The following ADGRL2 variants were observed in gnomAD, a reference collection of about 807,000 sequenced individuals.
The protein encoded by ADGRL2 is adhesion G protein-coupled receptor L2.
Under a neutral mutation model 157.4 loss-of-function variants are expected in ADGRL2, and 44 were observed. That is an observed-to-expected ratio of 0.28 (90% CI 0.22 to 0.36). The LOEUF (loss-of-function observed/expected upper bound fraction) is 0.36. Ranked by LOEUF, ADGRL2 falls within the 10% of genes least tolerant of loss-of-function variation. ADGRL2 has a pLI of 1.00. For missense variants in ADGRL2, 1,510 were observed against 1,768.9 expected, an observed-to-expected ratio of 0.85 and a Z score of 2.63; for synonymous variants, 585 against 624.7, an observed-to-expected ratio of 0.94 and a Z score of 0.95.
At chr1:81,802,033 A>T (rs11163379) in intron 1 of ADGRL2, among the ~76,000 whole-genome samples, 43,282 of 150,542 alleles carry the variant, frequency 0.29, 6,839 homozygotes, top group Middle Eastern at 0.49. Context: ...GCGGCCGAGC[A>T]GGAGGACGCG....
At chr1:81,967,386 C>T (rs936514444) in intron 13 of ADGRL2, among the ~76,000 whole-genome samples, 2 of 151,926 alleles carry the variant, frequency 1.3e-5, no homozygotes, top group Non-Finnish European at 2.9e-5. Flanking sequence ...CTCAGCCTCC[C>T]GAGTAGCTGG....
chr1:81,930,030 T>A (rs2095193677), intron 3 of ADGRL2, among the ~76,000 whole-genome samples: 1 of 152,156 alleles, frequency 6.6e-6, no homozygotes, highest in African/African-American at 2.4e-5. Context: ...TACACACCAA[T>A]TTTTTTCTGA....
chr1:81,465,421 T>C (rs1411991611), intron 2 of ADGRL2, among the ~76,000 whole-genome samples: 2 of 152,174 alleles, frequency 1.3e-5, no homozygotes, highest in African/African-American at 4.8e-5. Flanking sequence ...AACTAATTTG[T>C]ATTTTGGATC....
At chr1:81,376,659 C>T (rs1308046279) in intron 1 of ADGRL2, among the ~76,000 whole-genome samples, 1 of 151,644 alleles carries the variant, frequency 6.6e-6, no homozygotes, top group Non-Finnish European at 1.5e-5. Flanking sequence ...CCTCCCATAT[C>T]GCTTGTCAAT....
intron 2 of ADGRL2, among the ~76,000 whole-genome samples, chr1:81,466,897 G>C (rs1445306740): frequency 2.0e-5 from 3 of 152,126 alleles, no homozygotes; most frequent in African/African-American, 7.2e-5. Context: ...TCCCAGGCCT[G>C]TTCTTATAAA....
intron 2 of ADGRL2, among the ~76,000 whole-genome samples, chr1:81,862,770 C>A (rs2093427037): frequency 6.6e-6 from 1 of 152,106 alleles, no homozygotes; most frequent in Admixed American, 6.5e-5. Flanking sequence ...ACCAGTGTCT[C>A]CCATGCACTG....
chr1:81,809,067 C>T (rs911857006), intron 1 of ADGRL2, among the ~76,000 whole-genome samples: 5 of 152,004 alleles, frequency 3.3e-5, no homozygotes, highest in African/African-American at 9.7e-5. Flanking sequence ...GCATTAATCA[C>T]GACCTGACAA....
chr1:81,802,126 C>G (rs1374664452), intron 1 of ADGRL2, among the ~76,000 whole-genome samples: 1 of 150,328 alleles, frequency 6.7e-6, no homozygotes, highest in Admixed American at 6.6e-5. Context: ...CGCTCGCGGC[C>G]GGCCTCGGCC....
intron 2 of ADGRL2, chr1:81,502,651 C>G (rs528974437): frequency 8.3e-5 from 134 of 1,613,980 alleles, no homozygotes; most frequent in South Asian, 6.5e-4. Context: ...CTGCCTTCAC[C>G]CTCAGCTCAG....
chr1:81,871,244 T>A (rs1307458613), intron 2 of ADGRL2, among the ~76,000 whole-genome samples: 1 of 152,004 alleles, frequency 6.6e-6, no homozygotes, highest in Non-Finnish European at 1.5e-5. Flanking sequence ...TTCGTCCATG[T>A]CCCTACAAAG....
At chr1:81,353,809 C>G (rs1663086525) in intron 1 of ADGRL2, among the ~76,000 whole-genome samples, 1 of 152,122 alleles carries the variant, frequency 6.6e-6, no homozygotes, top group Non-Finnish European at 1.5e-5. Flanking sequence ...CTGGATCTCA[C>G]AAGAGAAGCC....
chr1:81,936,771 G>C lies in ADGRL2; in HGVS notation c.331G>C (p.Val111Leu). The change falls in exon 4 of 24, where the codon GTG (valine) becomes CTG (leucine). Residue 111 changes from valine to leucine, a missense_variant. Val to Leu is a conservative substitution (Grantham distance 32). Coordinates refer to ENST00000686636, the MANE Select transcript of ADGRL2 (RefSeq NM_001366006.2). ...GTGTATAGTAGTTACTGGGTCAGAT[G>C]TGTTTCCTGATCCATGTCCTGGAAC... is the stretch of plus-strand genomic sequence containing the variant. ...TQCIVVTGSD[V>L]FPDPCPGTYK... 6.2e-7 allele frequency: 1 copy of C among 1,612,326 alleles called. No individual in the cohort carries two copies.
chr1:81,522,642 G>A (rs1361947609), intron 2 of ADGRL2, among the ~76,000 whole-genome samples: 2 of 152,132 alleles, frequency 1.3e-5, no homozygotes, highest in Non-Finnish European at 2.9e-5. Flanking sequence ...TCTTTAATAT[G>A]TACTTGCTTG....
At chr1:81,763,142 T>G (rs1391920916) in intron 2 of ADGRL2, among the ~76,000 whole-genome samples, 4 of 151,970 alleles carry the variant, frequency 2.6e-5, no homozygotes, top group Non-Finnish European at 4.4e-5. Context: ...TTTTTGCATT[T>G]CCTATAATAA....
rs553510133 is a variant in ADGRL2, at chr1:81,683,770, G to A, written c.-142-78041G>A. On this transcript the variant is annotated intron_variant, in intron 3 of 24. Transcript: ENST00000370721. Reference sequence around the variant, plus strand: ...GTTCCACGTTTTGCAATTGTGAATTGTGCTGCTATAAACACGCTTGTGCAA... The same window carrying A: ...GTTCCACGTTTTGCAATTGTGAATTATGCTGCTATAAACACGCTTGTGCAA... 1.5e-3 allele frequency among the ~76,000 whole-genome samples: 222 copies of A among 152,058 alleles called. 1 individual carries two copies. The highest frequency in any genetic ancestry group is 2.6e-3 in the Non-Finnish European group (180 of 67,990).
At chr1:81,413,738 C>G (rs1262509939) in intron 1 of ADGRL2, among the ~76,000 whole-genome samples, 1 of 152,204 alleles carries the variant, frequency 6.6e-6, no homozygotes, top group Non-Finnish European at 1.5e-5. Flanking sequence ...TCCTTTTACA[C>G]TATCAGACAG....
At chr1:81,694,232 G>T (rs1391552651) in intron 3 of ADGRL2, among the ~76,000 whole-genome samples, 1 of 152,096 alleles carries the variant, frequency 6.6e-6, no homozygotes, top group African/African-American at 2.4e-5. Context: ...CCTAGAAGAT[G>T]CAAAATAAAG....
At chr1:81,413,949 A>T (rs1483504199) in intron 1 of ADGRL2, among the ~76,000 whole-genome samples, 1 of 152,212 alleles carries the variant, frequency 6.6e-6, no homozygotes, top group African/African-American at 2.4e-5. Context: ...CTCTGTGTAG[A>T]TATCTGTGAA....
At chr1:81,624,723 G>A (rs1241469303) in intron 3 of ADGRL2, among the ~76,000 whole-genome samples, 1 of 152,070 alleles carries the variant, frequency 6.6e-6, no homozygotes, top group Admixed American at 6.5e-5. Flanking sequence ...AAGAAAATAG[G>A]CATATATGGA....
Sources: gnomAD v4.1 joint callset for allele counts (sites outside exome capture counted in the v4.1 genomes callset) on GRCh38, gnomAD v4.1.1 for gene constraint, MANE v1.5 for transcripts, NCBI Gene and HGNC (gene_info 2026-07-23, HGNC 2026-07-21) for gene names.